Variants in PTHLH observed in about 807,000 individuals in gnomAD.
PTHLH encodes the protein parathyroid hormone-related protein.
A neutral mutation model predicts 18.6 loss-of-function variants in PTHLH; 5 were observed. That is an observed-to-expected ratio of 0.27 (90% CI 0.14 to 0.56). PTHLH has a LOEUF of 0.56. PTHLH is among the 20% of genes least tolerant of loss of function. The probability of loss-of-function intolerance (pLI) is 0.92; values close to 1 mark genes in which losing one functional copy is unlikely to be tolerated. For synonymous variants in PTHLH, 90 were observed against 94.0 expected, an observed-to-expected ratio of 0.96 and a Z score of 0.25; for missense variants, 207 against 223.9, an observed-to-expected ratio of 0.92 and a Z score of 0.48.
chr12:27,960,799 A>G (rs2062746836), intron 5 of PTHLH, among the ~76,000 whole-genome samples: 1 of 151,942 alleles, frequency 6.6e-6, no homozygotes, highest in African/African-American at 2.4e-5. Context: ...ATATCATCAG[A>G]TCTCTTGGTT....
intron 5 of PTHLH, among the ~76,000 whole-genome samples, chr12:27,959,600 G>C (rs2062737625): frequency 6.6e-6 from 1 of 152,132 alleles, no homozygotes; most frequent in Non-Finnish European, 1.5e-5. Flanking sequence ...TCAGAGTTGT[G>C]GCAGAGTTTT....
At position 27,958,360 on chromosome 12, in the gene PTHLH, GATAATA is replaced by G. The variant is rs1283099083; in HGVS notation, c.*193_*198del. The G allele has an allele frequency of 2.4e-6, 1 of 414,330 alleles. No individual in the cohort carries two copies. Among genetic ancestry groups the G allele is most frequent in the South Asian group, 9.4e-5 (1 of 10,680 alleles). The allele number at this position is 414,330 out of a possible 1,614,324, so 25.7% of individuals were successfully genotyped here. A position where few individuals can be genotyped will look rare whatever the true frequency, so the allele number is the denominator to read the frequency against. ...GGACAAAATAAATTATGGTAAATGTGATAATAATAATTGGATTAGCCTTGGCAAAAA... is the reference window on the plus strand; with the variant it reads ...GGACAAAATAAATTATGGTAAATGTGATAATTGGATTAGCCTTGGCAAAAA... On this transcript the variant is annotated 3_prime_UTR_variant, in exon 6 of 6. Coordinates refer to ENST00000545234, the MANE Select transcript of PTHLH (RefSeq NM_198965.2).
At chr12:27,966,724 T>C (rs980691844) in intron 4 of PTHLH, among the ~76,000 whole-genome samples, 2 of 152,014 alleles carry the variant, frequency 1.3e-5, no homozygotes, top group Non-Finnish European at 2.9e-5. Flanking sequence ...TAAAAAAAAA[T>C]TGCAAAATTT....
rs1270259940 is a variant in PTHLH at position 27,969,173 on chromosome 12, T to C, written c.101+221A>G. On this transcript the variant is annotated intron_variant, in intron 4 of 5. Transcript: ENST00000545234. ...ACGCTCCCTCTTATGGAAACACACA[T>C]AAAGTCTCTCTCTTGCCTGTCTCCC... 5.2e-6 allele frequency: 3 copies of C among 581,442 alleles called. No homozygotes were observed. In the South Asian group the frequency reaches 6.1e-5, roughly 12 times the overall value. 36.0% of individuals were successfully genotyped at this position (581,442 alleles called of 1,614,324 possible).
chr12:27,962,516 A>G (rs2062771060), intron 5 of PTHLH: 1 of 983,102 alleles, frequency 1.0e-6, no homozygotes, highest in African/African-American at 1.7e-5. Flanking sequence ...CTTGGCCCTA[A>G]GTTATTTGAT....
At chr12:27,966,577 T>C (rs968481293) in intron 4 of PTHLH, among the ~76,000 whole-genome samples, 10 of 152,266 alleles carry the variant, frequency 6.6e-5, no homozygotes, top group Middle Eastern at 3.4e-3. Flanking sequence ...AAGTTGTAAA[T>C]ATGGCCTCAA....
Position 27,969,455 on chromosome 12 carries a change from A to G in PTHLH, c.40T>C (p.Phe14Leu). ...GAGGGCACCGCGTAGCTCAGCAGGA[A>G]CACCGCGACGCTCCACTGCTGAACC... The part of the protein sequence containing the change: ...RLVQQWSVAV[F>L]LLSYAVPSCG... Residue 14 changes from phenylalanine to leucine, a missense_variant, in exon 4 of 6, where the codon TTC becomes CTC. By Grantham distance (22) the Phe-to-Leu change is conservative (BLOSUM62 0). Transcript: ENST00000545234. 6.3e-7 allele frequency: 1 copy of G among 1,593,020 alleles called. No homozygotes were observed. The highest frequency in any genetic ancestry group is 1.1e-5 in the South Asian group (1 of 88,036).
chr12:27,963,929 T>C (rs1482533760), intron 4 of PTHLH, among the ~76,000 whole-genome samples, 159 bp from the exon 5 acceptor site: 1 of 152,060 alleles, frequency 6.6e-6, no homozygotes, highest in Admixed American at 6.6e-5. Context: ...GGGTAACCAG[T>C]GGGAAGGAAA....
At chr12:27,967,925 G>A (rs2062830975) in intron 4 of PTHLH, among the ~76,000 whole-genome samples, 1 of 152,292 alleles carries the variant, frequency 6.6e-6, no homozygotes, top group African/African-American at 2.4e-5. Context: ...TTTCTCAAAA[G>A]AGAAAACAGG....
chr12:27,963,309 A>G, intron 5 of PTHLH, 39 bp downstream of exon 5: 2 of 1,614,090 alleles, frequency 1.2e-6, no homozygotes, highest in Non-Finnish European at 1.7e-6. Flanking sequence ...CCCAGCTGAG[A>G]GCACCCCGCT....
intron 4 of PTHLH, among the ~76,000 whole-genome samples, 198 bp from the exon 5 acceptor site, chr12:27,963,968 T>C (rs1005379967): frequency 2.6e-5 from 4 of 152,130 alleles, no homozygotes; most frequent in Non-Finnish European, 4.4e-5. Flanking sequence ...CTCCAGCTCA[T>C]GGTCCCAGTT....
In PTHLH at chr12:27,971,955, TA is replaced by T; in HGVS notation, c.-295del. ...TGAACCTCGAACACTTTCTGATTTATAAAAAGAATCCTTCCAAAAAGATGCA... is the reference window on the plus strand; with the variant it reads ...TGAACCTCGAACACTTTCTGATTTATAAAAGAATCCTTCCAAAAAGATGCA... On this transcript the variant is annotated 5_prime_UTR_variant, in exon 2 of 6. The change creates a premature stop within an existing upstream ORF in the 5' untranslated region. Transcript: ENST00000545234. The T allele has an allele frequency of 8.0e-6, 1 of 124,946 alleles. No individual in the cohort carries two copies. Among genetic ancestry groups the T allele is most frequent in the South Asian group, 2.5e-4 (1 of 4,026 alleles). 7.7% of individuals were successfully genotyped at this position (124,946 alleles called of 1,614,324 possible). A position where few individuals can be genotyped will look rare whatever the true frequency, so the allele number is the denominator to read the frequency against.
intron 3 of PTHLH, 42 bp from the exon 4 acceptor site, chr12:27,969,558 C>T (rs772932770): frequency 2.1e-6 from 3 of 1,448,014 alleles, no homozygotes; most frequent in Non-Finnish European, 2.8e-6. Context: ...AGTCTGGACT[C>T]TCCATCTCCC....
chr12:27,963,386 C>T lies in PTHLH; in HGVS notation c.486G>A (p.Leu162=), dbSNP rs1248274882. Residue 162 remains leucine, a synonymous_variant, in exon 5 of 6, where the codon CTG becomes CTA. Coordinates refer to ENST00000545234, the MANE Select transcript of PTHLH (RefSeq NM_198965.2). ...CCAGCGACGTTGTGGAGGTGTCAGA[C>T]AGGTGGTCCCCTTCTAGCCCACTCC... ...VTGSGLEGDH[L]SDTSTTSLEL... 2 of 1,614,220 alleles carry T rather than the reference C, an allele frequency of 1.2e-6. No individual in the cohort carries two copies. The highest frequency in any genetic ancestry group is 3.3e-4 in the Middle Eastern group (2 of 6,062).
intron 4 of PTHLH, among the ~76,000 whole-genome samples, chr12:27,967,673 T>C (rs1463589476): frequency 1.3e-5 from 2 of 152,248 alleles, no homozygotes; most frequent in Non-Finnish European, 2.9e-5. Context: ...AATGTGATGA[T>C]CTATTACCCA....
rs1407188271 is a variant in PTHLH, at chr12:27,970,233, C to G, written c.-231G>C. On this transcript the variant is annotated 5_prime_UTR_variant, in exon 3 of 6. Coordinates refer to ENST00000545234, the MANE Select transcript of PTHLH (RefSeq NM_198965.2). Reference sequence around the variant, plus strand: ...CGCAGGTTGGAGGCGAGTTGAAAACCGAGCGGAGGAATGTTCACACGCTCC... The same window carrying G: ...CGCAGGTTGGAGGCGAGTTGAAAACGGAGCGGAGGAATGTTCACACGCTCC... 2 of 477,208 alleles carry G rather than the reference C, an allele frequency of 4.2e-6. No individual in the cohort carries two copies. The highest frequency in any genetic ancestry group is 5.5e-5 in the East Asian group (1 of 18,020). 29.6% of individuals were successfully genotyped at this position (477,208 alleles called of 1,614,324 possible). A position where few individuals can be genotyped will look rare whatever the true frequency, so the allele number is the denominator to read the frequency against.
chr12:27,964,201 G>A (rs2062787560), intron 4 of PTHLH, among the ~76,000 whole-genome samples: 2 of 151,752 alleles, frequency 1.3e-5, no homozygotes, highest in African/African-American at 4.8e-5. Context: ...GTCCCAGCCT[G>A]GGAAATAAAA....
intron 5 of PTHLH, chr12:27,962,965 C>T: frequency 1.8e-6 from 2 of 1,128,944 alleles, no homozygotes; most frequent in Non-Finnish European, 2.2e-6. Context: ...AAATGAAAAA[C>T]ACTGAAGAAA....
At chr12:27,962,212 C>A in intron 5 of PTHLH, 3 of 399,632 alleles carry the variant, frequency 7.5e-6, no homozygotes, top group Admixed American at 4.3e-5. Flanking sequence ...CCACTTTTTG[C>A]CTCATAGAAA....
Sources: allele counts gnomAD v4.1 joint callset (sites outside exome capture counted in the v4.1 genomes callset), GRCh38; gene constraint gnomAD v4.1.1; transcripts MANE v1.5; gene names NCBI Gene and HGNC (gene_info 2026-07-23, HGNC 2026-07-21).